The following BRD4 variants were observed in gnomAD, a reference collection of about 807,000 sequenced individuals.
BRD4 encodes the protein bromodomain containing 4, also known as bromodomain-containing protein 4.
Under a neutral mutation model 142.1 loss-of-function variants are expected in BRD4, and 16 were observed. The observed-to-expected ratio is 0.11, with a 90% CI of 0.08 to 0.17. BRD4 has a LOEUF of 0.17. Among genes scored for constraint, BRD4 ranks in the 10% least tolerant of loss-of-function variants. BRD4 has a pLI of 1.00. For missense variants in BRD4, 1,424 were observed against 1,810.9 expected, an observed-to-expected ratio of 0.79 and a Z score of 3.88; for synonymous variants, 833 against 707.5, an observed-to-expected ratio of 1.18 and a Z score of -2.82.
chr19:15,286,579 G>A (rs945026474), intron 1 of BRD4, among the ~76,000 whole-genome samples: 3 of 152,130 alleles, frequency 2.0e-5, no homozygotes, highest in Admixed American at 6.5e-5. Context: ...ACATATAAAC[G>A]TGTAACATTT....
At chr19:15,273,237 G>A (rs2047609365) in intron 1 of BRD4, 104 bp from the exon 2 acceptor site, 1 of 1,244,996 alleles carries the variant, frequency 8.0e-7, no homozygotes, top group African/African-American at 1.5e-5. Flanking sequence ...TGAGTTCCCT[G>A]GCGGTAGCTA....
chr19:15,256,320 C>G, intron 8 of BRD4, 57 bp from the exon 9 acceptor site: 2 of 1,578,214 alleles, frequency 1.3e-6, no homozygotes, highest in South Asian at 2.4e-5. Context: ...TCCTGTCACC[C>G]AAGACCCAGG....
At chr19:15,326,345 T>C (rs1033047788) in intron 1 of BRD4, among the ~76,000 whole-genome samples, 11 of 151,796 alleles carry the variant, frequency 7.2e-5, no homozygotes, top group African/African-American at 2.4e-4. Context: ...GGGGCGCCTG[T>C]AGTCCCAGCT....
intron 11 of BRD4, 63 bp from the exon 12 acceptor site, chr19:15,244,825 T>G: frequency 5.6e-6 from 9 of 1,610,758 alleles, no homozygotes; most frequent in Non-Finnish European, 6.8e-6. Flanking sequence ...TGGCCTTGGA[T>G]GAAGAAAGAC....
At chr19:15,290,405 C>T (rs1364413136) in intron 1 of BRD4, among the ~76,000 whole-genome samples, 4 of 152,132 alleles carry the variant, frequency 2.6e-5, no homozygotes, top group Non-Finnish European at 5.9e-5. Flanking sequence ...GTTCCCTTGG[C>T]GTTCACTGGT....
At chr19:15,315,804 T>G (rs539382945) in intron 1 of BRD4, among the ~76,000 whole-genome samples, 3 of 145,108 alleles carry the variant, frequency 2.1e-5, no homozygotes, top group East Asian at 4.2e-4. Context: ...TGCAGTGAGC[T>G]GAGATCACAC....
rs1468996993 is a variant in BRD4, at chr19:15,267,042, T to A, written c.559+374A>T. On this transcript the variant is annotated intron_variant, in intron 4 of 19. Transcript: ENST00000679869. ...CAAACCTCAAAGTTTAGAACTGAGATGTTAGTTAAAATGATTTCTGGTCAT... is the reference window on the plus strand; with the variant it reads ...CAAACCTCAAAGTTTAGAACTGAGAAGTTAGTTAAAATGATTTCTGGTCAT... 3.9e-5 allele frequency among the ~76,000 whole-genome samples: 6 copies of A among 152,176 alleles called. No individual in the cohort carries two copies. In the East Asian group the frequency reaches 7.7e-4, roughly 20 times the overall value.
chr19:15,246,399 C>G (rs1295640232), intron 11 of BRD4: 1 of 152,458 alleles, frequency 6.6e-6, no homozygotes, highest in African/African-American at 2.4e-5. Flanking sequence ...GGTGATGGAG[C>G]CGCGCTGTCT....
At chr19:15,292,886 C>T (rs915926064) in intron 1 of BRD4, among the ~76,000 whole-genome samples, 6 of 150,110 alleles carry the variant, frequency 4.0e-5, no homozygotes, top group East Asian at 2.0e-4. Context: ...CTCACAATTT[C>T]GGATGTGAAA....
chr19:15,261,401 T>C (rs2054342272), intron 7 of BRD4, among the ~76,000 whole-genome samples: 1 of 151,874 alleles, frequency 6.6e-6, no homozygotes, highest in African/African-American at 2.4e-5. Flanking sequence ...GAGAACTGCT[T>C]GAACCAGGAG....
At chr19:15,246,794 C>T (rs892118030) in intron 11 of BRD4, among the ~76,000 whole-genome samples, 1 of 151,964 alleles carries the variant, frequency 6.6e-6, no homozygotes, top group Non-Finnish European at 1.5e-5. Context: ...TCTCCAGGGC[C>T]CCTTGCAAGT....
chr19:15,253,374 C>T, intron 11 of BRD4: 1 of 618,106 alleles, frequency 1.6e-6, no homozygotes, highest in Non-Finnish European at 2.8e-6. Context: ...CTCTCCACTC[C>T]CACCTGGCAC....
At chr19:15,303,209 G>T (rs1251987431) in intron 1 of BRD4, among the ~76,000 whole-genome samples, 1 of 152,060 alleles carries the variant, frequency 6.6e-6, no homozygotes, top group African/African-American at 2.4e-5. Context: ...GCTCAAAGTA[G>T]GGGAAAGTTA....
chr19:15,250,322 A>G lies in BRD4; in HGVS notation c.2158+3830T>C, dbSNP rs148933729. 2.2e-4 allele frequency among the ~76,000 whole-genome samples: 33 copies of G among 152,252 alleles called. No individual in the cohort carries two copies. In the East Asian group the frequency reaches 6.4e-3, roughly 29 times the overall value. Reference sequence around the variant, plus strand: ...CTCCCCCACCTCCAGGGTCCTCACCATTCCCCTAGGTAAGCGCCACACTCT... The same window carrying G: ...CTCCCCCACCTCCAGGGTCCTCACCGTTCCCCTAGGTAAGCGCCACACTCT... On this transcript the variant is annotated intron_variant, in intron 11 of 19. Coordinates refer to ENST00000679869, the MANE Select transcript of BRD4 (RefSeq NM_001379291.1).
intron 1 of BRD4, among the ~76,000 whole-genome samples, chr19:15,329,251 C>G (rs548046178): frequency 1.3e-5 from 2 of 152,286 alleles, no homozygotes; most frequent in South Asian, 4.1e-4. Flanking sequence ...GCTCCAATGA[C>G]AAGCTTATCT....
At chr19:15,326,153 T>TAAA (rs755812111) in intron 1 of BRD4, among the ~76,000 whole-genome samples, 6 of 100,916 alleles carry the variant, frequency 5.9e-5, no homozygotes, top group African/African-American at 7.8e-5. Flanking sequence ...AATGTAGCAT[T>TAAA]AAAAAAAAAA....
chr19:15,241,712 C>T (rs1005749114), intron 14 of BRD4, among the ~76,000 whole-genome samples: 32 of 152,234 alleles, frequency 2.1e-4, no homozygotes, highest in African/African-American at 5.5e-4. Flanking sequence ...CAGGCACAGC[C>T]GCACAGCTGC....
chr19:15,251,549 C>T (rs1371517718), intron 11 of BRD4, among the ~76,000 whole-genome samples: 1 of 150,372 alleles, frequency 6.7e-6, no homozygotes, highest in Non-Finnish European at 1.5e-5. Flanking sequence ...GGCAGAGCTG[C>T]CTGTAACGGG....
intron 11 of BRD4, 163 bp downstream of exon 11, chr19:15,253,989 T>C (rs1419975800): frequency 1.5e-5 from 11 of 712,972 alleles, no homozygotes; most frequent in South Asian, 8.9e-5. Context: ...GGGCTATTCA[T>C]GGCCCCAGGG....
Sources: gnomAD v4.1 joint callset for allele counts (sites outside exome capture counted in the v4.1 genomes callset) on GRCh38, gnomAD v4.1.1 for gene constraint, MANE v1.5 for transcripts, NCBI Gene and HGNC (gene_info 2026-07-23, HGNC 2026-07-21) for gene names.